RIMS1: variants seen among roughly 807,000 people sequenced by gnomAD.
RIMS1 encodes regulating synaptic membrane exocytosis 1, also known as regulating synaptic membrane exocytosis protein 1.
Under a neutral mutation model 214.1 loss-of-function variants are expected in RIMS1, and 83 were observed. The ratio of observed to expected loss-of-function variants is 0.39; its 90% CI spans 0.32 to 0.47. The LOEUF (loss-of-function observed/expected upper bound fraction) is 0.47, where lower values mean the gene tolerates loss of function less well. Ranked by LOEUF, RIMS1 falls within the 20% of genes least tolerant of loss-of-function variation. RIMS1 has a pLI of 0.99. For synonymous variants in RIMS1, 793 were observed against 786.8 expected (o/e 1.01, Z -0.13); for missense variants, 2,050 against 2,161.8 (o/e 0.95, Z 1.03).
At chr6:72,083,330 C>CT (rs990620328) in intron 2 of RIMS1, among the ~76,000 whole-genome samples, 48 of 151,200 alleles carry the variant, frequency 3.2e-4, no homozygotes, top group Middle Eastern at 3.4e-3. Flanking sequence ...AATCTCCTTT[C>CT]TTTTTTTTTG....
At chr6:72,054,953 CT>C (rs1011531034) in intron 2 of RIMS1, among the ~76,000 whole-genome samples, 94 of 152,188 alleles carry the variant, frequency 6.2e-4, no homozygotes, top group African/African-American at 2.2e-3. Context: ...CCAACTTTGG[CT>C]TTTGTTGCAA....
chr6:72,378,830 C>A (rs556940389), intron 29 of RIMS1, among the ~76,000 whole-genome samples: 7 of 152,048 alleles, frequency 4.6e-5, no homozygotes, highest in Admixed American at 1.3e-4. Context: ...CAGAGTGAGA[C>A]GCCGTCTCAA....
intron 4 of RIMS1, among the ~76,000 whole-genome samples, chr6:72,146,484 C>G (rs536158206): frequency 2.6e-5 from 4 of 152,268 alleles, no homozygotes; most frequent in Middle Eastern, 3.4e-3. Context: ...AGGTGAAATT[C>G]TTATAAATCT....
chr6:71,967,708 C>CT (rs1794827325), intron 1 of RIMS1, among the ~76,000 whole-genome samples: 1 of 152,192 alleles, frequency 6.6e-6, no homozygotes, highest in Admixed American at 6.5e-5. Context: ...ATGAACACCA[C>CT]TTTTTAAAAC....
At chr6:72,388,034 T>C (rs1311176736) in intron 29 of RIMS1, among the ~76,000 whole-genome samples, 3 of 152,196 alleles carry the variant, frequency 2.0e-5, no homozygotes, top group Non-Finnish European at 4.4e-5. Flanking sequence ...CTATCAACAG[T>C]TTATACCCCT....
At chr6:71,923,749 A>G (rs1163282422) in intron 1 of RIMS1, among the ~76,000 whole-genome samples, 2 of 151,884 alleles carry the variant, frequency 1.3e-5, no homozygotes, top group Admixed American at 1.3e-4. Flanking sequence ...TTTTTAGTAG[A>G]GACGGGGTGT....
chr6:72,231,495 A>G (rs2061970834), intron 6 of RIMS1, among the ~76,000 whole-genome samples: 1 of 151,674 alleles, frequency 6.6e-6, no homozygotes, highest in African/African-American at 2.4e-5. Context: ...AAAACTGTGT[A>G]TGGCCAAAGT....
intron 1 of RIMS1, among the ~76,000 whole-genome samples, chr6:71,939,469 A>G (rs764848125): frequency 5.3e-5 from 8 of 152,032 alleles, no homozygotes; most frequent in Non-Finnish European, 1.0e-4. Context: ...TCCAGTACCA[A>G]TTTTCTCTTT....
intron 2 of RIMS1, among the ~76,000 whole-genome samples, chr6:72,015,433 T>G (rs372347882): frequency 6.6e-6 from 1 of 152,230 alleles, no homozygotes; most frequent in African/African-American, 2.4e-5. Context: ...ATTTGTGGCC[T>G]GCTTAGAATT....
chr6:71,953,604 TA>T (rs1790305169), intron 1 of RIMS1, among the ~76,000 whole-genome samples: 2 of 152,204 alleles, frequency 1.3e-5, no homozygotes, highest in Non-Finnish European at 2.9e-5. Flanking sequence ...ATTTTTCCAT[TA>T]TTTCATATCC....
intron 1 of RIMS1, among the ~76,000 whole-genome samples, chr6:71,912,847 A>G (rs1777323151): frequency 6.6e-6 from 1 of 152,292 alleles, no homozygotes; most frequent in Admixed American, 6.5e-5. Context: ...ACCCAGTGGC[A>G]TGGGAAAGAA....
chr6:72,274,202 T>C (rs545685454), intron 22 of RIMS1, 147 bp from the exon 23 acceptor site: 44 of 538,938 alleles, frequency 8.2e-5, no homozygotes, highest in African/African-American at 6.9e-4. Flanking sequence ...CCAAGGCTTA[T>C]AACAGTGAAG....
chr6:72,036,622 C>T (rs909967277), intron 2 of RIMS1, among the ~76,000 whole-genome samples: 2 of 152,008 alleles, frequency 1.3e-5, no homozygotes, highest in African/African-American at 4.8e-5. Context: ...AATAACTGAG[C>T]TTTGAAGCAA....
At chr6:72,034,164 C>T (rs1362076950) in intron 2 of RIMS1, among the ~76,000 whole-genome samples, 2 of 152,028 alleles carry the variant, frequency 1.3e-5, no homozygotes, top group African/African-American at 2.4e-5. Context: ...ATTACAAGTA[C>T]CCAGTAAAAT....
intron 2 of RIMS1, among the ~76,000 whole-genome samples, chr6:71,993,333 A>C (rs545327640): frequency 6.6e-6 from 1 of 152,214 alleles, no homozygotes; most frequent in Non-Finnish European, 1.5e-5. Flanking sequence ...TTTGTTTTCA[A>C]CACTATGTAG....
intron 4 of RIMS1, chr6:72,175,319 T>C: frequency 3.1e-6 from 1 of 326,590 alleles, no homozygotes; most frequent in South Asian, 2.5e-5. Context: ...ATATTTATTC[T>C]TTATATTATA....
intron 28 of RIMS1, among the ~76,000 whole-genome samples, chr6:72,325,525 A>G (rs982282764): frequency 2.0e-5 from 3 of 151,498 alleles, no homozygotes; most frequent in African/African-American, 7.3e-5. Context: ...ACGTATGAAA[A>G]GGAATTTTAT....
intron 7 of RIMS1, among the ~76,000 whole-genome samples, chr6:72,235,357 C>T (rs1396097571): frequency 6.6e-6 from 1 of 152,042 alleles, no homozygotes; most frequent in Non-Finnish European, 1.5e-5. Flanking sequence ...TTTCCTTCTC[C>T]CTACCTTCCC....
At chr6:72,262,752 G>A (rs951904448) in intron 19 of RIMS1, 7 of 739,616 alleles carry the variant, frequency 9.5e-6, no homozygotes, top group Non-Finnish European at 1.2e-5. Flanking sequence ...TATAAACTAT[G>A]GACACTTATT....
Sources: gnomAD v4.1 joint callset for allele counts (sites outside exome capture counted in the v4.1 genomes callset) on GRCh38, gnomAD v4.1.1 for gene constraint, MANE v1.5 for transcripts, NCBI Gene and HGNC (gene_info 2026-07-23, HGNC 2026-07-21) for gene names.